Variants in FOXO3 observed in about 807,000 individuals in gnomAD.
FOXO3 encodes the protein forkhead box O3.
FOXO3 carries 4 observed loss-of-function variants against 41.9 expected under a neutral mutation model. The ratio of observed to expected loss-of-function variants is 0.10; its 90% CI spans 0.05 to 0.22. FOXO3 has a LOEUF of 0.22. Ranked by LOEUF, FOXO3 falls within the 10% of genes least tolerant of loss-of-function variation. The probability of loss-of-function intolerance (pLI) is 1.00; values close to 1 mark genes in which losing one functional copy is unlikely to be tolerated. For missense variants in FOXO3, 534 were observed against 906.8 expected (o/e 0.59, Z 5.28); for synonymous variants, 318 against 389.3 (o/e 0.82, Z 2.16).
intron 1 of FOXO3, among the ~76,000 whole-genome samples, chr6:108,653,427 T>C (rs1778601187): frequency 6.6e-6 from 1 of 152,186 alleles, no homozygotes; most frequent in African/African-American, 2.4e-5. Context: ...GTACTAATGT[T>C]CTCTTTCTGG....
chr6:108,607,172 C>T (rs948151633), intron 1 of FOXO3, among the ~76,000 whole-genome samples: 7 of 152,106 alleles, frequency 4.6e-5, no homozygotes, highest in African/African-American at 1.7e-4. Context: ...AATATTTCAG[C>T]TGGGCGCAGT....
intron 2 of FOXO3, among the ~76,000 whole-genome samples, chr6:108,675,551 C>T (rs1027228953): frequency 6.6e-6 from 1 of 152,202 alleles, no homozygotes; most frequent in Non-Finnish European, 1.5e-5. Context: ...GCATTAATAT[C>T]AATTCCTTAT....
chr6:108,606,564 A>G (rs1777206888), intron 1 of FOXO3, among the ~76,000 whole-genome samples: 1 of 152,190 alleles, frequency 6.6e-6, no homozygotes, highest in East Asian at 1.9e-4. Flanking sequence ...ATTAAGGCTT[A>G]TCTACAGGAG....
At chr6:108,571,680 C>T (rs1217048773) in intron 1 of FOXO3, among the ~76,000 whole-genome samples, 1 of 152,168 alleles carries the variant, frequency 6.6e-6, no homozygotes, top group Non-Finnish European at 1.5e-5. Context: ...AAAAGATCCT[C>T]CCCTAGAGCC....
chr6:108,677,406 A>G (rs555401523), intron 2 of FOXO3, among the ~76,000 whole-genome samples: 8 of 152,152 alleles, frequency 5.3e-5, no homozygotes, highest in Non-Finnish European at 1.2e-4. Flanking sequence ...TTAGGGGCTC[A>G]TGGGTGTCCT....
intron 2 of FOXO3, among the ~76,000 whole-genome samples, chr6:108,672,160 C>T (rs1050440257): frequency 2.6e-5 from 4 of 152,174 alleles, no homozygotes. Context: ...TCCCAAGCCA[C>T]TCAGAGAGAT....
chr6:108,578,293 ACT>A (rs1319441201), intron 1 of FOXO3, among the ~76,000 whole-genome samples: 1 of 152,012 alleles, frequency 6.6e-6, no homozygotes, highest in African/African-American at 2.4e-5. Context: ...GTTCAGAACC[ACT>A]CTTTTAAAGT....
chr6:108,587,521 A>T (rs1344411136), intron 1 of FOXO3, among the ~76,000 whole-genome samples: 2 of 152,134 alleles, frequency 1.3e-5, no homozygotes, highest in Admixed American at 1.3e-4. Flanking sequence ...ATATATGTGT[A>T]TGTGTGCACA....
chr6:108,566,554 A>G (rs1317459589), intron 1 of FOXO3, among the ~76,000 whole-genome samples: 2 of 152,184 alleles, frequency 1.3e-5, no homozygotes, highest in African/African-American at 2.4e-5. Context: ...GCTTGGGCAC[A>G]TAGCAAAACC....
intron 1 of FOXO3, among the ~76,000 whole-genome samples, chr6:108,635,272 GC>G (rs1448393000): frequency 2.0e-5 from 3 of 151,984 alleles, no homozygotes; most frequent in Non-Finnish European, 4.4e-5. Flanking sequence ...TGTGGCCTGG[GC>G]AACAGAGCAA....
intron 1 of FOXO3, among the ~76,000 whole-genome samples, chr6:108,636,941 T>A (rs1778136768): frequency 6.6e-6 from 1 of 152,174 alleles, no homozygotes; most frequent in Non-Finnish European, 1.5e-5. Flanking sequence ...AATCCCCCTG[T>A]TCCGAATAAG....
intron 2 of FOXO3, among the ~76,000 whole-genome samples, chr6:108,679,281 T>C (rs1187781560): frequency 2.0e-5 from 3 of 148,872 alleles, no homozygotes; most frequent in African/African-American, 7.4e-5. Flanking sequence ...TATTAAGGCC[T>C]TTATAGAAAG....
chr6:108,572,419 CTT>C (rs993632724), intron 1 of FOXO3, among the ~76,000 whole-genome samples: 2 of 152,198 alleles, frequency 1.3e-5, no homozygotes, highest in African/African-American at 4.8e-5. Context: ...GTCTCACACA[CTT>C]GGTCCTTCAG....
intron 1 of FOXO3, among the ~76,000 whole-genome samples, chr6:108,576,396 GGGAA>G (rs1416127764): frequency 6.6e-6 from 1 of 152,162 alleles, no homozygotes; most frequent in Non-Finnish European, 1.5e-5. Context: ...GAGGCTTATT[GGGAA>G]GAGAAGTTTA....
At chr6:108,592,978 A>G (rs1776769701) in intron 1 of FOXO3, among the ~76,000 whole-genome samples, 1 of 152,216 alleles carries the variant, frequency 6.6e-6, no homozygotes, top group African/African-American at 2.4e-5. Flanking sequence ...AGAGAGATGG[A>G]TGCGTGCTTA....
At chr6:108,670,317 C>G (rs1043399766) in intron 2 of FOXO3, among the ~76,000 whole-genome samples, 1 of 152,004 alleles carries the variant, frequency 6.6e-6, no homozygotes, top group African/African-American at 2.4e-5. Flanking sequence ...CAAAGTATTG[C>G]TTTCCCCAAT....
At chr6:108,624,061 G>A (rs1777746045) in intron 1 of FOXO3, among the ~76,000 whole-genome samples, 1 of 152,126 alleles carries the variant, frequency 6.6e-6, no homozygotes, top group African/African-American at 2.4e-5. Flanking sequence ...ATCATGTTGA[G>A]GCTGCAGGGA....
intron 1 of FOXO3, among the ~76,000 whole-genome samples, chr6:108,633,615 G>T (rs1435041101): frequency 1.3e-5 from 2 of 152,056 alleles, no homozygotes; most frequent in African/African-American, 4.8e-5. Flanking sequence ...TTATAATTCT[G>T]CCCCCTTTTG....
chr6:108,569,034 A>C (rs1776020347), intron 1 of FOXO3, among the ~76,000 whole-genome samples: 1 of 152,154 alleles, frequency 6.6e-6, no homozygotes, highest in Admixed American at 6.5e-5. Context: ...GTTTTGCCTA[A>C]AGTTTATTTT....
Sources: allele counts gnomAD v4.1 joint callset (sites outside exome capture counted in the v4.1 genomes callset), GRCh38; gene constraint gnomAD v4.1.1; transcripts MANE v1.5; gene names NCBI Gene and HGNC (gene_info 2026-07-23, HGNC 2026-07-21).